SHANK2: variants seen among roughly 807,000 people sequenced by gnomAD.
SHANK2 encodes the protein SH3 and multiple ankyrin repeat domains 2, also known as SH3 and multiple ankyrin repeat domains protein 2.
SHANK2 carries 43 observed loss-of-function variants against 133.7 expected under a neutral mutation model. The ratio of observed to expected loss-of-function variants is 0.32; its 90% CI spans 0.25 to 0.41. The LOEUF (loss-of-function observed/expected upper bound fraction) is 0.41. Ranked by LOEUF, SHANK2 falls within the 10% of genes least tolerant of loss-of-function variation. The probability of loss-of-function intolerance (pLI) is 1.00; values close to 1 mark genes in which losing one functional copy is unlikely to be tolerated. For synonymous variants in SHANK2, 1,017 were observed against 952.8 expected (o/e 1.07, Z -1.24); for missense variants, 1,994 against 2,235.8 (o/e 0.89, Z 2.18).
chr11:71,166,298 G>A (rs1953146951), intron 2 of SHANK2, among the ~76,000 whole-genome samples: 1 of 152,196 alleles, frequency 6.6e-6, no homozygotes, highest in African/African-American at 2.4e-5. Flanking sequence ...CAGGACCTCT[G>A]AGTGGGAAGA....
intron 1 of SHANK2, among the ~76,000 whole-genome samples, chr11:71,245,454 C>T (rs1388155960): frequency 3.9e-5 from 6 of 152,202 alleles, no homozygotes; most frequent in African/African-American, 1.4e-4. Flanking sequence ...GCTTCTGGGT[C>T]CTTCAAAATG....
At chr11:71,221,271 AT>A (rs1174604903) in intron 2 of SHANK2, among the ~76,000 whole-genome samples, 4 of 152,200 alleles carry the variant, frequency 2.6e-5, no homozygotes, top group African/African-American at 9.7e-5. Context: ...GACTTTAAAA[AT>A]AAAAACAAAA....
chr11:70,711,615 C>T (rs372519840), intron 14 of SHANK2, among the ~76,000 whole-genome samples: 13 of 152,214 alleles, frequency 8.5e-5, no homozygotes, highest in African/African-American at 1.7e-4. Flanking sequence ...CAGGACTCCA[C>T]TCTTGGGGCC....
chr11:70,641,373 A>G (rs577537040), intron 17 of SHANK2, among the ~76,000 whole-genome samples: 39 of 152,262 alleles, frequency 2.6e-4, no homozygotes, highest in African/African-American at 7.5e-4. Flanking sequence ...GATTACAGGC[A>G]TAAGCCACTG....
Position 70,560,019 on chromosome 11 carries a change from A to G in SHANK2, c.2062-57088T>C, listed in dbSNP as rs2059886784. ...CCCAAGTAGCTGGGATTACGGGCAC[A>G]CACCACCACGCCAAGCTAATTTTTG... is the stretch of plus-strand genomic sequence containing the variant. On this transcript the variant is annotated intron_variant, in intron 17 of 25. Transcript: ENST00000601538. Among the ~76,000 whole-genome samples the G allele has an allele frequency of 3.9e-5, 6 of 152,024 alleles. No individual in the cohort carries two copies. In the South Asian group the frequency reaches 1.2e-3, roughly 32 times the overall value.
At position 71,114,443 on chromosome 11, in the gene SHANK2, C is replaced by A. The variant is rs532819618; in HGVS notation, c.412-1079G>T. Among the ~76,000 whole-genome samples, 10 of 152,302 alleles carry A rather than the reference C, an allele frequency of 6.6e-5. No individual in the cohort carries two copies. The South Asian group carries it at 2.1e-3, about 32-fold the overall frequency. ...CACAGAAAAGCTTCCAAATAAACAA[C>A]CCTAGTCTCCTTTCTCCACCACGCC... On this transcript the variant is annotated intron_variant, in intron 4 of 25. Transcript: ENST00000601538.
intron 8 of SHANK2, among the ~76,000 whole-genome samples, chr11:71,090,172 CTG>C (rs1191382012): frequency 2.1e-4 from 18 of 87,288 alleles, no homozygotes; most frequent in Non-Finnish European, 2.6e-4. Flanking sequence ...GAAACACAAC[CTG>C]TGTGTGTGTG....
chr11:70,488,800 A>T (rs1449329652), intron 24 of SHANK2, among the ~76,000 whole-genome samples: 1 of 152,184 alleles, frequency 6.6e-6, no homozygotes. Context: ...AGTTGACCTA[A>T]TGAAAATATG....
In SHANK2 at chr11:71,199,953, T is replaced by C. The variant is rs367750764; in HGVS notation, c.-13+24744A>G. Among the ~76,000 whole-genome samples the C allele has an allele frequency of 2.1e-4, 32 of 152,166 alleles. No individual in the cohort carries two copies. The East Asian group carries it at 2.1e-3, about 10-fold the overall frequency. ...TCTCTCAAAGGCGGACATGGTTTTG[T>C]CTTTTAGGGCATTTGTTTCCTTAGC... On this transcript the variant is annotated intron_variant, in intron 2 of 25. Coordinates refer to ENST00000601538, the MANE Select transcript of SHANK2 (RefSeq NM_012309.5).
chr11:70,503,755 C>T (rs558853623), intron 17 of SHANK2, among the ~76,000 whole-genome samples: 18 of 152,378 alleles, frequency 1.2e-4, no homozygotes, highest in African/African-American at 3.8e-4. Context: ...CTGCTATTCT[C>T]ACCTCCCTGA....
At chr11:71,194,287 G>A (rs1301952030) in intron 2 of SHANK2, among the ~76,000 whole-genome samples, 1 of 152,196 alleles carries the variant, frequency 6.6e-6, no homozygotes, top group Non-Finnish European at 1.5e-5. Context: ...AGCAGTGGGT[G>A]CCCGATGGAG....
chr11:70,837,444 T>C (rs1208465303), intron 11 of SHANK2, among the ~76,000 whole-genome samples: 6 of 152,254 alleles, frequency 3.9e-5, no homozygotes, highest in African/African-American at 1.4e-4. Context: ...TTCACGCTCA[T>C]GGTCAACGCA....
Position 70,468,189 on chromosome 11 carries a change from A to G in SHANK2, c.*4680T>C, listed in dbSNP as rs561715532. ...TTTTTTCTTTTCTGTGTTTATTTGA[A>G]GGCTCGTATTAAAATTTCAAAATTG... On this transcript the variant is annotated 3_prime_UTR_variant, in exon 26 of 26. Transcript: ENST00000601538. The G allele has an allele frequency of 3.3e-5, 5 of 152,140 alleles. No homozygotes were observed. The South Asian group carries it at 1.0e-3, about 32-fold the overall frequency. 9.4% of individuals were successfully genotyped at this position (152,140 alleles called of 1,614,324 possible). A position where few individuals can be genotyped will look rare whatever the true frequency, so the allele number is the denominator to read the frequency against.
At chr11:70,936,474 T>C (rs1950572458) in intron 10 of SHANK2, among the ~76,000 whole-genome samples, 1 of 152,262 alleles carries the variant, frequency 6.6e-6, no homozygotes, top group Admixed American at 6.5e-5. Context: ...ATCACCCCAC[T>C]GTACTCCAGC....
chr11:71,251,578 C>T lies in SHANK2; in HGVS notation c.-113+847G>A, dbSNP rs536521691. 1.1e-4 allele frequency among the ~76,000 whole-genome samples: 16 copies of T among 151,590 alleles called. No homozygotes were observed. In the South Asian group the frequency reaches 2.3e-3, roughly 22 times the overall value. On this transcript the variant is annotated intron_variant, in intron 1 of 25. Coordinates refer to ENST00000601538, the MANE Select transcript of SHANK2 (RefSeq NM_012309.5). ...CCCGGCCGCCGGGGAGGAGGGATGCCCGGGCGAAAGTTGCCAGGGAAACTT... is the reference window on the plus strand; with the variant it reads ...CCCGGCCGCCGGGGAGGAGGGATGCTCGGGCGAAAGTTGCCAGGGAAACTT...
At chr11:70,553,664 A>G (rs997527188) in intron 17 of SHANK2, among the ~76,000 whole-genome samples, 2 of 152,220 alleles carry the variant, frequency 1.3e-5, no homozygotes, top group Non-Finnish European at 2.9e-5. Context: ...ACCGAGGGCC[A>G]TGCGATCATC....
At chr11:70,928,687 G>T (rs536797044) in intron 10 of SHANK2, among the ~76,000 whole-genome samples, 1 of 152,028 alleles carries the variant, frequency 6.6e-6, no homozygotes, top group Admixed American at 6.5e-5. Flanking sequence ...GGGATCCATG[G>T]GGCAGAATTA....
At chr11:71,226,058 G>A (rs1423228712) in intron 1 of SHANK2, among the ~76,000 whole-genome samples, 1 of 152,122 alleles carries the variant, frequency 6.6e-6, no homozygotes, top group Non-Finnish European at 1.5e-5. Flanking sequence ...GGAGGTAGAG[G>A]TTGCAGTGAG....
intron 2 of SHANK2, among the ~76,000 whole-genome samples, chr11:71,157,415 T>C (rs1331606445): frequency 6.6e-6 from 1 of 152,180 alleles, no homozygotes; most frequent in African/African-American, 2.4e-5. Flanking sequence ...GATGGTACAT[T>C]CATTAGGTAA....
Sources: allele counts gnomAD v4.1 joint callset (sites outside exome capture counted in the v4.1 genomes callset), GRCh38; gene constraint gnomAD v4.1.1; transcripts MANE v1.5; gene names NCBI Gene and HGNC (gene_info 2026-07-23, HGNC 2026-07-21).